The following SYT1 variants were observed in gnomAD, a reference collection of about 807,000 sequenced individuals.
SYT1 encodes the protein synaptotagmin 1, also known as synaptotagmin-1.
In SYT1, 8 loss-of-function variants were observed where a neutral mutation model predicts 44.8. The ratio of observed to expected loss-of-function variants is 0.18; its 90% CI spans 0.10 to 0.32. SYT1 has a LOEUF of 0.32. SYT1 is among the 10% of genes least tolerant of loss of function. The pLI is 1.00. For synonymous variants in SYT1, 154 were observed against 188.8 expected, an observed-to-expected ratio of 0.82 and a Z score of 1.51; for missense variants, 286 against 509.3, an observed-to-expected ratio of 0.56 and a Z score of 4.22.
At chr12:79,134,368 A>T (rs1453717941) in intron 3 of SYT1, among the ~76,000 whole-genome samples, 1 of 152,230 alleles carries the variant, frequency 6.6e-6, no homozygotes, top group Admixed American at 6.5e-5. Flanking sequence ...TTACAAGGTA[A>T]AAGCTGAGGA....
At position 78,894,330 on chromosome 12, in the gene SYT1, G is replaced by GTTTTTTTTTTTTTTTTTTTTTTTTTTTTT. The variant is rs566175647; in HGVS notation, c.-217+29228_-217+29256dup. Among the ~76,000 whole-genome samples, 10 of 27,712 alleles carry GTTTTTTTTTTTTTTTTTTTTTTTTTTTTT rather than the reference G, an allele frequency of 3.6e-4. 3 individuals are homozygous for GTTTTTTTTTTTTTTTTTTTTTTTTTTTTT. Among genetic ancestry groups the GTTTTTTTTTTTTTTTTTTTTTTTTTTTTT allele is most frequent in the Non-Finnish European group, 4.6e-4 (7 of 15,138 alleles). The allele number at this position is 27,712 out of a possible 152,430, so 18.2% of individuals were successfully genotyped here. On this transcript the variant is annotated intron_variant, in intron 1 of 10. Transcript: ENST00000261205. ...AATTTATGATTGTGTTTTTTAATCT[G>GTTTTTTTTTTTTTTTTTTTTTTTTTTTTT]TTTTTTTTTTTTTTTTTTTTTTTTT...
chr12:79,066,056 A>G (rs939614606), intron 3 of SYT1, among the ~76,000 whole-genome samples: 1 of 152,132 alleles, frequency 6.6e-6, no homozygotes, highest in African/African-American at 2.4e-5. Flanking sequence ...ATGCATGAAC[A>G]TACACAAACA....
At chr12:79,242,807 C>T (rs988955539) in intron 4 of SYT1, among the ~76,000 whole-genome samples, 3 of 152,140 alleles carry the variant, frequency 2.0e-5, no homozygotes, top group Non-Finnish European at 2.9e-5. Flanking sequence ...TTGTATTGCA[C>T]GTGTATATAA....
At chr12:79,339,126 C>T (rs1363190889) in intron 8 of SYT1, among the ~76,000 whole-genome samples, 1 of 152,174 alleles carries the variant, frequency 6.6e-6, no homozygotes, top group East Asian at 1.9e-4. Flanking sequence ...CTGCAATAAA[C>T]ATACGTGTGC....
chr12:78,900,610 T>G (rs980565137), intron 1 of SYT1, among the ~76,000 whole-genome samples: 1 of 151,652 alleles, frequency 6.6e-6, no homozygotes. Flanking sequence ...GAAGGCACAT[T>G]AGAGTGGAGC....
intron 2 of SYT1, among the ~76,000 whole-genome samples, chr12:79,001,442 A>G (rs1336915795): frequency 6.6e-6 from 1 of 152,176 alleles, no homozygotes; most frequent in Non-Finnish European, 1.5e-5. Flanking sequence ...TAACTCTTGT[A>G]TAAAGAACAC....
intron 1 of SYT1, among the ~76,000 whole-genome samples, chr12:78,871,997 T>A (rs1208195481): frequency 6.6e-6 from 1 of 151,960 alleles, no homozygotes; most frequent in African/African-American, 2.4e-5. Context: ...GTTTTATCTG[T>A]CTGTGTACAG....
At chr12:79,106,180 T>C (rs1403103063) in intron 3 of SYT1, among the ~76,000 whole-genome samples, 1 of 152,208 alleles carries the variant, frequency 6.6e-6, no homozygotes, top group Non-Finnish European at 1.5e-5. Context: ...GCTGGAAATG[T>C]AGGCTAACAT....
rs758991117 is a variant in SYT1, at chr12:79,444,055, T to G, written c.929-18T>G. 8.1e-6 allele frequency: 13 copies of G among 1,611,712 alleles called. No homozygotes were observed. The highest frequency in any genetic ancestry group is 1.1e-5 in the Non-Finnish European group (13 of 1,179,142). ...GTGTCTCTGATCTCCTAAAGTTTGTTTCCTGTTTTTCATTCAGATCCTTAT... is the reference window on the plus strand; with the variant it reads ...GTGTCTCTGATCTCCTAAAGTTTGTGTCCTGTTTTTCATTCAGATCCTTAT... On this transcript the variant is annotated intron_variant, in intron 9 of 10. Coordinates refer to ENST00000261205, the MANE Select transcript of SYT1 (RefSeq NM_005639.3).
intron 9 of SYT1, among the ~76,000 whole-genome samples, chr12:79,376,858 C>T (rs2136062236): frequency 6.6e-6 from 1 of 152,230 alleles, no homozygotes; most frequent in East Asian, 1.9e-4. Context: ...TGCCAAAATA[C>T]CTTTATATTT....
chr12:79,044,166 G>T (rs947133653), intron 2 of SYT1, among the ~76,000 whole-genome samples: 1 of 151,962 alleles, frequency 6.6e-6, no homozygotes, highest in Non-Finnish European at 1.5e-5. Context: ...GAATCTGAAT[G>T]TTGGCCTGCC....
At chr12:79,057,329 G>C (rs1875031154) in intron 3 of SYT1, among the ~76,000 whole-genome samples, 4 of 151,864 alleles carry the variant, frequency 2.6e-5, no homozygotes, top group Admixed American at 2.0e-4. Flanking sequence ...TCATGAATTT[G>C]TACAAAATGT....
chr12:79,056,872 A>G (rs1197495192), intron 3 of SYT1, among the ~76,000 whole-genome samples: 3 of 151,954 alleles, frequency 2.0e-5, no homozygotes, highest in Non-Finnish European at 2.9e-5. Flanking sequence ...TAAAACCTCA[A>G]TTAATTATCT....
intron 7 of SYT1, among the ~76,000 whole-genome samples, chr12:79,297,795 T>C (rs1419029062): frequency 6.6e-6 from 1 of 152,150 alleles, no homozygotes; most frequent in Non-Finnish European, 1.5e-5. Context: ...AATGGAAGTA[T>C]AAAAGACTTT....
chr12:79,282,888 T>G (rs1879121838), intron 4 of SYT1, among the ~76,000 whole-genome samples: 1 of 152,094 alleles, frequency 6.6e-6, no homozygotes, highest in African/African-American at 2.4e-5. Context: ...GGTAGGTAGG[T>G]CTTCAATAAA....
chr12:79,227,940 T>C (rs1875621200), intron 4 of SYT1, among the ~76,000 whole-genome samples: 1 of 152,098 alleles, frequency 6.6e-6, no homozygotes. Context: ...TGCAGCCAAA[T>C]ACAAGTGCAT....
At position 78,909,841 on chromosome 12, in the gene SYT1, AGTCTTCAAAGT is replaced by A. The variant is rs147203228; in HGVS notation, c.-217+44736_-217+44746del. Among the ~76,000 whole-genome samples, 494 of 151,244 alleles carry A rather than the reference AGTCTTCAAAGT, an allele frequency of 3.3e-3. 3 individuals carry two copies. The highest frequency in any genetic ancestry group is 0.012 in the African/African-American group (477 of 41,436). On this transcript the variant is annotated intron_variant, in intron 1 of 10. Coordinates refer to ENST00000261205, the MANE Select transcript of SYT1 (RefSeq NM_005639.3). ...ATCGAATACCATGTTATTCTAACTT[AGTCTTCAAAGT>A]GTCAAGTACCACCCACAACAGGTTG...
intron 1 of SYT1, among the ~76,000 whole-genome samples, chr12:78,923,416 A>G (rs777314525): frequency 1.6e-4 from 25 of 152,066 alleles, no homozygotes; most frequent in Non-Finnish European, 2.8e-4. Context: ...CTGACAAGAC[A>G]GAGAAAGTAG....
At chr12:79,265,646 C>T (rs977281697) in intron 4 of SYT1, among the ~76,000 whole-genome samples, 1 of 152,042 alleles carries the variant, frequency 6.6e-6, no homozygotes, top group Admixed American at 6.6e-5. Context: ...AATCACTTTA[C>T]AGAAGCTACA....
Sources: gnomAD v4.1 joint callset for allele counts (sites outside exome capture counted in the v4.1 genomes callset) on GRCh38, gnomAD v4.1.1 for gene constraint, MANE v1.5 for transcripts, NCBI Gene and HGNC (gene_info 2026-07-23, HGNC 2026-07-21) for gene names.